Variants in THSD7B observed in about 807,000 individuals in gnomAD.
The protein encoded by THSD7B is thrombospondin type 1 domain containing 7B.
Under a neutral mutation model 213.6 loss-of-function variants are expected in THSD7B, and 138 were observed. The observed-to-expected ratio is 0.65, with a 90% CI of 0.56 to 0.74. The LOEUF (loss-of-function observed/expected upper bound fraction) is 0.74. Ranked by LOEUF, THSD7B falls within the 30% of genes least tolerant of loss-of-function variation. The pLI, the probability that THSD7B is intolerant of heterozygous loss-of-function variation, is 0.00. For synonymous variants in THSD7B, 742 were observed against 687.0 expected, an observed-to-expected ratio of 1.08 and a Z score of -1.25; for missense variants, 1,931 against 1,991.5, an observed-to-expected ratio of 0.97 and a Z score of 0.58.
Position 137,101,367 on chromosome 2 carries a change from G to A in THSD7B, c.1199+6246G>A, listed in dbSNP as rs550884197. On this transcript the variant is annotated intron_variant, in intron 4 of 27. Transcript: ENST00000409968. ...TCCATTGATTTTCTATCACAGCACCGAACACTCTTCACATAGTAGGTATTT... is the reference window on the plus strand; with the variant it reads ...TCCATTGATTTTCTATCACAGCACCAAACACTCTTCACATAGTAGGTATTT... 5.3e-5 allele frequency among the ~76,000 whole-genome samples: 8 copies of A among 152,214 alleles called. 1 individual carries two copies. In the South Asian group the frequency reaches 1.2e-3, roughly 24 times the overall value.
At chr2:137,063,587 C>A (rs1687319708) in intron 3 of THSD7B, among the ~76,000 whole-genome samples, 1 of 151,986 alleles carries the variant, frequency 6.6e-6, no homozygotes, top group African/African-American at 2.4e-5. Flanking sequence ...TTTACTATAT[C>A]ACTCTGTTTT....
At chr2:137,282,617 A>G (rs1410097118) in intron 12 of THSD7B, among the ~76,000 whole-genome samples, 1 of 152,126 alleles carries the variant, frequency 6.6e-6, no homozygotes, top group Non-Finnish European at 1.5e-5. Context: ...TCAGCTTTCT[A>G]CATATGGCTA....
At chr2:137,282,089 C>T (rs573517705) in intron 12 of THSD7B, among the ~76,000 whole-genome samples, 1,528 of 151,852 alleles carry the variant, frequency 0.01, 12 homozygotes, top group Non-Finnish European at 0.014. Context: ...TTTTAATGAT[C>T]GCCATTCTAA....
At chr2:137,082,574 A>G (rs975493383) in intron 3 of THSD7B, among the ~76,000 whole-genome samples, 1 of 152,114 alleles carries the variant, frequency 6.6e-6, no homozygotes, top group Non-Finnish European at 1.5e-5. Flanking sequence ...AGGCAGGGGA[A>G]ATTAATTTTA....
At chr2:136,876,019 G>A (rs1683522213) in intron 1 of THSD7B, among the ~76,000 whole-genome samples, 1 of 152,104 alleles carries the variant, frequency 6.6e-6, no homozygotes, top group African/African-American at 2.4e-5. Context: ...TAGTTTTCAT[G>A]GTAGTGATCT....
chr2:137,572,343 C>A, intron 16 of THSD7B, 63 bp from the exon 17 acceptor site: 1 of 1,563,356 alleles, frequency 6.4e-7, no homozygotes, highest in Non-Finnish European at 8.7e-7. Flanking sequence ...TACATCATAA[C>A]TATTTTAAAT....
chr2:136,803,739 G>A (rs1682230764), intron 1 of THSD7B, among the ~76,000 whole-genome samples: 1 of 152,146 alleles, frequency 6.6e-6, no homozygotes, highest in Admixed American at 6.5e-5. Context: ...AACATGGAAA[G>A]CCAATGGTGA....
intron 2 of THSD7B, among the ~76,000 whole-genome samples, chr2:136,981,624 C>T (rs947285244): frequency 1.3e-5 from 2 of 152,222 alleles, no homozygotes; most frequent in East Asian, 3.9e-4. Flanking sequence ...ATTATCATCA[C>T]TGCCATGCCT....
intron 14 of THSD7B, among the ~76,000 whole-genome samples, chr2:137,449,868 C>T (rs1207841697): frequency 6.6e-6 from 1 of 152,096 alleles, no homozygotes; most frequent in Non-Finnish European, 1.5e-5. Flanking sequence ...ATTCCCTTCA[C>T]ATTTGCCATA....
chr2:136,802,115 A>T (rs1682193533), intron 1 of THSD7B, among the ~76,000 whole-genome samples: 2 of 152,030 alleles, frequency 1.3e-5, no homozygotes, highest in African/African-American at 2.4e-5. Flanking sequence ...TCTGTCCCCC[A>T]TTATTAGGGA....
intron 12 of THSD7B, among the ~76,000 whole-genome samples, chr2:137,390,150 G>A (rs976809795): frequency 6.6e-5 from 10 of 152,096 alleles, no homozygotes; most frequent in East Asian, 1.9e-4. Context: ...TAGTGTGGTC[G>A]TTCTTACAAT....
chr2:137,590,092 A>G (rs943294203), intron 17 of THSD7B, among the ~76,000 whole-genome samples: 4 of 151,774 alleles, frequency 2.6e-5, no homozygotes, highest in African/African-American at 7.3e-5. Flanking sequence ...TTCACTTTTC[A>G]TATGTAAGCC....
intron 5 of THSD7B, among the ~76,000 whole-genome samples, chr2:137,124,784 G>T (rs1426842657): frequency 6.6e-6 from 1 of 152,092 alleles, no homozygotes; most frequent in Admixed American, 6.6e-5. Flanking sequence ...ATGTTTTGAT[G>T]TAGGCATGTA....
At chr2:137,121,364 T>G (rs1688542922) in intron 5 of THSD7B, among the ~76,000 whole-genome samples, 1 of 152,216 alleles carries the variant, frequency 6.6e-6, no homozygotes, top group African/African-American at 2.4e-5. Context: ...AAAAATTTAC[T>G]TTTTGAATGA....
chr2:137,383,438 G>C (rs1685823933), intron 12 of THSD7B, among the ~76,000 whole-genome samples: 1 of 152,136 alleles, frequency 6.6e-6, no homozygotes, highest in African/African-American at 2.4e-5. Context: ...CTATGCATCA[G>C]ACCTGTGTGT....
chr2:136,906,722 G>A (rs1318248851), intron 2 of THSD7B, among the ~76,000 whole-genome samples: 2 of 151,996 alleles, frequency 1.3e-5, no homozygotes, highest in Admixed American at 1.3e-4. Flanking sequence ...GAAGAAGTAT[G>A]ACAAATAATA....
chr2:137,514,866 G>A (rs190242870), intron 15 of THSD7B, among the ~76,000 whole-genome samples: 3 of 152,266 alleles, frequency 2.0e-5, no homozygotes, highest in African/African-American at 7.2e-5. Flanking sequence ...GGAGAACCAA[G>A]GAACATAATG....
At chr2:137,316,453 A>G (rs1684104074) in intron 12 of THSD7B, among the ~76,000 whole-genome samples, 1 of 152,212 alleles carries the variant, frequency 6.6e-6, no homozygotes, top group South Asian at 2.1e-4. Flanking sequence ...CATACAAGTG[A>G]ATCATCTAAA....
At position 137,074,184 on chromosome 2, in the gene THSD7B, G is replaced by A. The variant is rs555722765; in HGVS notation, c.950+16954G>A. On this transcript the variant is annotated intron_variant, in intron 3 of 27. Transcript: ENST00000409968. ...TGATCTGTCTAATGTTGACAGTGGG[G>A]TGTTAAAGTCTCCCATTATTAATGT... Among the ~76,000 whole-genome samples the A allele has an allele frequency of 5.3e-5, 8 of 151,822 alleles. No homozygotes were observed. In the South Asian group the frequency reaches 1.7e-3, roughly 32 times the overall value.
Sources: gnomAD v4.1 joint callset for allele counts (sites outside exome capture counted in the v4.1 genomes callset) on GRCh38, gnomAD v4.1.1 for gene constraint, MANE v1.5 for transcripts, NCBI Gene and HGNC (gene_info 2026-07-23, HGNC 2026-07-21) for gene names.